CRACD: variants seen among roughly 807,000 people sequenced by gnomAD.
CRACD encodes capping protein inhibiting regulator of actin dynamics, also known as capping protein-inhibiting regulator of actin dynamics.
Under a neutral mutation model 106.8 loss-of-function variants are expected in CRACD, and 56 were observed. That is an observed-to-expected ratio of 0.52 (90% CI 0.42 to 0.66). CRACD has a LOEUF of 0.66. CRACD is among the 30% of genes least tolerant of loss of function. CRACD has a pLI of 0.00. For missense variants in CRACD, 1,730 were observed against 1,623.2 expected (o/e 1.07, Z -1.13); for synonymous variants, 754 against 670.8 (o/e 1.12, Z -1.92).
intron 1 of CRACD, among the ~76,000 whole-genome samples, chr4:56,077,840 A>G (rs1057381165): frequency 2.0e-5 from 3 of 152,200 alleles, no homozygotes; most frequent in Admixed American, 1.3e-4. Flanking sequence ...TACTGCTGCA[A>G]TAGGGTTATG....
intron 9 of CRACD, 130 bp downstream of exon 9, chr4:56,323,697 A>T: frequency 1.2e-6 from 1 of 862,560 alleles, no homozygotes; most frequent in Non-Finnish European, 1.7e-6. Context: ...CAGTAAATAA[A>T]CTGACCACCA....
At chr4:56,075,770 C>T (rs138538788) in intron 1 of CRACD, among the ~76,000 whole-genome samples, 4 of 152,138 alleles carry the variant, frequency 2.6e-5, no homozygotes, top group Non-Finnish European at 5.9e-5. Flanking sequence ...TTTCCCTTAG[C>T]GTGTTTTCAA....
chr4:56,088,250 C>G (rs1179528655), intron 1 of CRACD, among the ~76,000 whole-genome samples: 1 of 151,718 alleles, frequency 6.6e-6, no homozygotes, highest in Admixed American at 6.6e-5. Context: ...TTTTGTCACC[C>G]TAGTAAATAG....
chr4:56,276,789 A>C (rs1408107699), intron 3 of CRACD, among the ~76,000 whole-genome samples: 1 of 152,244 alleles, frequency 6.6e-6, no homozygotes, highest in Non-Finnish European at 1.5e-5. Context: ...GCCTGCCTCC[A>C]GCTGCCTGAT....
chr4:56,166,057 T>G (rs138817555), intron 1 of CRACD, among the ~76,000 whole-genome samples: 153 of 152,226 alleles, frequency 1.0e-3, no homozygotes, highest in African/African-American at 3.4e-3. Flanking sequence ...AGAGATGGGT[T>G]TTTTTCTATG....
intron 1 of CRACD, among the ~76,000 whole-genome samples, chr4:56,055,280 G>A (rs1362154486): frequency 6.6e-6 from 1 of 151,994 alleles, no homozygotes; most frequent in Middle Eastern, 3.2e-3. Context: ...CAGGTTGTCT[G>A]AAAACTTGAT....
In CRACD at chr4:56,313,369, G is replaced by C. The variant is rs773479718; in HGVS notation, c.527G>C (p.Arg176Pro). 2 of 1,613,374 alleles carry C rather than the reference G, an allele frequency of 1.2e-6. No individual in the cohort carries two copies. The highest frequency in any genetic ancestry group is 2.7e-5 in the African/African-American group (2 of 74,934). Residue 176 changes from arginine (R) to proline (P), a missense_variant, in exon 7 of 11, where the codon CGC (arginine) becomes CCC (proline). Arg to Pro is a moderately radical substitution (Grantham distance 103). Around this residue, in one of 5 missense-constraint regions of CRACD, gnomAD observed 1,620 missense variants for 1,481.6 expected, o/e 1.09. Transcript: ENST00000682029. Reference protein sequence around the residue: ...KKQRVSKKHRRLAQDPQHEQG... With the variant: ...KKQRVSKKHRPLAQDPQHEQG... ...CAGAGGGTGTCAAAGAAGCACAGGC[G>C]CCTTGCCCAGGTGTGTAGAGCCTGC...
At chr4:56,166,389 A>C (rs1736145068) in intron 1 of CRACD, among the ~76,000 whole-genome samples, 1 of 152,206 alleles carries the variant, frequency 6.6e-6, no homozygotes, top group African/African-American at 2.4e-5. Flanking sequence ...AAATTAAGAA[A>C]TACTCATTTG....
Position 56,235,399 on chromosome 4 carries a change from G to A in CRACD, c.-188-36922G>A, listed in dbSNP as rs73819880. Among the ~76,000 whole-genome samples the A allele has an allele frequency of 3.0e-3, 454 of 152,272 alleles. 3 individuals carry two copies. Among genetic ancestry groups the A allele is most frequent in the Middle Eastern group, 0.014 (4 of 294 alleles). ...TAGAGGTTATTTTTATTTCCTTGGG[G>A]AAACAAGAAAGAGATTAGCATGTTC... is the stretch of plus-strand genomic sequence containing the variant. On this transcript the variant is annotated intron_variant, in intron 2 of 10. Transcript: ENST00000682029.
chr4:56,182,207 C>T (rs1736856996), intron 2 of CRACD, among the ~76,000 whole-genome samples: 1 of 151,984 alleles, frequency 6.6e-6, no homozygotes, highest in African/African-American at 2.4e-5. Flanking sequence ...GTGGCAAAAT[C>T]CTGTCTCTAT....
At chr4:56,112,997 C>T (rs189424608) in intron 1 of CRACD, among the ~76,000 whole-genome samples, 1 of 152,038 alleles carries the variant, frequency 6.6e-6, no homozygotes, top group South Asian at 2.1e-4. Context: ...AAAAAAAATT[C>T]CCAGATAGAC....
rs544819012 is a variant in CRACD, at chr4:56,233,843, A to G, written c.-188-38478A>G. Among the ~76,000 whole-genome samples the G allele has an allele frequency of 4.1e-4, 62 of 152,264 alleles. No individual in the cohort carries two copies. In the South Asian group the frequency reaches 9.9e-3, roughly 24 times the overall value. On this transcript the variant is annotated intron_variant, in intron 2 of 10. Coordinates refer to ENST00000682029, the MANE Select transcript of CRACD (RefSeq NM_001393381.1). ...CCCATGTATATGGTATATCTCTTCA[A>G]TTATTAAGTTATTTTTTATTTCTCT...
At chr4:56,222,848 C>G (rs756867268) in intron 2 of CRACD, among the ~76,000 whole-genome samples, 2 of 151,768 alleles carry the variant, frequency 1.3e-5, no homozygotes, top group Non-Finnish European at 2.9e-5. Context: ...GGGTGGTGTG[C>G]GCCTGTAATC....
At chr4:56,053,041 G>A (rs1731926785) in intron 1 of CRACD, among the ~76,000 whole-genome samples, 1 of 152,102 alleles carries the variant, frequency 6.6e-6, no homozygotes. Context: ...AGCTTCTCAG[G>A]TTTTTGTGAT....
intron 2 of CRACD, among the ~76,000 whole-genome samples, chr4:56,226,196 A>G (rs1739294024): frequency 6.6e-6 from 1 of 152,202 alleles, no homozygotes; most frequent in Admixed American, 6.5e-5. Flanking sequence ...CATTGAATGT[A>G]GGACTCTGAC....
intron 2 of CRACD, among the ~76,000 whole-genome samples, chr4:56,260,490 T>C (rs1241677266): frequency 6.6e-6 from 1 of 152,178 alleles, no homozygotes; most frequent in African/African-American, 2.4e-5. Flanking sequence ...TGGAGTGTGA[T>C]GATCTTTTCG....
intron 3 of CRACD, among the ~76,000 whole-genome samples, chr4:56,286,933 A>T (rs1389924567): frequency 6.6e-6 from 1 of 152,212 alleles, no homozygotes; most frequent in Non-Finnish European, 1.5e-5. Context: ...TGCTGCTGGC[A>T]TGCTTATTAG....
chr4:56,282,582 A>C (rs1743094429), intron 3 of CRACD, among the ~76,000 whole-genome samples: 1 of 152,206 alleles, frequency 6.6e-6, no homozygotes, highest in African/African-American at 2.4e-5. Context: ...AGACTTTCCA[A>C]GTTCCAAGGT....
intron 2 of CRACD, among the ~76,000 whole-genome samples, chr4:56,261,104 G>A (rs1263775348): frequency 6.6e-6 from 1 of 152,162 alleles, no homozygotes; most frequent in Non-Finnish European, 1.5e-5. Flanking sequence ...CAGCCTTTGT[G>A]TAGGGGTATC....
Sources: gnomAD v4.1 joint callset for allele counts (sites outside exome capture counted in the v4.1 genomes callset) on GRCh38, gnomAD v4.1.1 for gene constraint, gnomAD v4.1.1 regional missense constraint, MANE v1.5 for transcripts, NCBI Gene and HGNC (gene_info 2026-07-23, HGNC 2026-07-21) for gene names.